The following EPB41L2 variants were observed in gnomAD, a reference collection of about 807,000 sequenced individuals.
The protein encoded by EPB41L2 is erythrocyte membrane protein band 4.1 like 2.
In EPB41L2, 43 loss-of-function variants were observed where a neutral mutation model predicts 113.0. That is an observed-to-expected ratio of 0.38 (90% CI 0.30 to 0.49). The LOEUF (loss-of-function observed/expected upper bound fraction) is 0.49. Among genes scored for constraint, EPB41L2 ranks in the 20% least tolerant of loss-of-function variants. The pLI is 0.95. For missense variants in EPB41L2, 1,147 were observed against 1,223.4 expected (o/e 0.94, Z 0.93); for synonymous variants, 442 against 436.7 (o/e 1.01, Z -0.15).
At position 130,869,881 on chromosome 6, in the gene EPB41L2, G is replaced by C. The variant is rs765397502; in HGVS notation, c.2289C>G (p.Thr763=). 1 of 1,612,762 alleles carries C rather than the reference G, an allele frequency of 6.2e-7. No individual in the cohort carries two copies. Among genetic ancestry groups the C allele is most frequent in the Admixed American group, 1.7e-5 (1 of 59,986 alleles). ...VGEYRPHHRV[T]EGTIREEQEY... is the part of the protein sequence containing the mutation. ...CCTGTTCCTCCCTGATGGTGCCCTC[G>C]GTCACTCGGTGGTGGGGACGGTACT... The change falls in exon 15 of 20, where the codon ACC becomes ACG. Residue 763 remains threonine, a synonymous_variant. Transcript: ENST00000337057.
chr6:131,015,896 T>C (rs1788081256), intron 1 of EPB41L2: 1 of 152,218 alleles, frequency 6.6e-6, no homozygotes, highest in African/African-American at 2.4e-5. Flanking sequence ...GGTGTTGTTT[T>C]TAAGAATGTC....
chr6:131,030,998 G>C (rs918477697), intron 1 of EPB41L2, among the ~76,000 whole-genome samples: 2 of 152,150 alleles, frequency 1.3e-5, no homozygotes, highest in Middle Eastern at 3.4e-3. Flanking sequence ...AGGCTAAGGT[G>C]GGGGGATCGC....
rs372717150 is a variant in EPB41L2, at chr6:130,878,969, G to A, written c.1897-719C>T. 5.9e-5 allele frequency among the ~76,000 whole-genome samples: 9 copies of A among 152,262 alleles called. No individual in the cohort carries two copies. In the South Asian group the frequency reaches 8.3e-4, roughly 14 times the overall value. On this transcript the variant is annotated intron_variant, in intron 13 of 19. Transcript: ENST00000337057. ...GTCTAGCCTCCGCAACTGCCAGATC[G>A]TCCTTATACAGACAAATATACAAGA... is the stretch of plus-strand genomic sequence containing the variant.
rs545266535 is a variant in EPB41L2 at position 130,935,981 on chromosome 6, A to C, written c.706-9272T>G. On this transcript the variant is annotated intron_variant, in intron 3 of 19. Coordinates refer to ENST00000337057, the MANE Select transcript of EPB41L2 (RefSeq NM_001431.4). Reference sequence around the variant, plus strand: ...GAGCAATGGATCTTAAAGCTTGCTAAGAAAACCATATTTGATGACATGTAA... The same window carrying C: ...GAGCAATGGATCTTAAAGCTTGCTACGAAAACCATATTTGATGACATGTAA... Among the ~76,000 whole-genome samples the C allele has an allele frequency of 9.2e-5, 14 of 152,374 alleles. No individual in the cohort carries two copies. The East Asian group carries it at 2.7e-3, about 29-fold the overall frequency.
At chr6:130,846,777 T>C (rs1777169800) in intron 19 of EPB41L2, among the ~76,000 whole-genome samples, 1 of 152,212 alleles carries the variant, frequency 6.6e-6, no homozygotes, top group South Asian at 2.1e-4. Context: ...GCCTACATGC[T>C]AATATAACTT....
chr6:130,867,095 A>T (rs749652331), intron 16 of EPB41L2, among the ~76,000 whole-genome samples: 3 of 152,198 alleles, frequency 2.0e-5, no homozygotes, highest in Non-Finnish European at 4.4e-5. Flanking sequence ...TCGGATTATT[A>T]TTAATCGATG....
chr6:130,933,186 T>G (rs1807510278), intron 3 of EPB41L2, among the ~76,000 whole-genome samples: 1 of 152,236 alleles, frequency 6.6e-6, no homozygotes, highest in Admixed American at 6.5e-5. Context: ...GACATCACTT[T>G]CGCTGTCATT....
At chr6:130,916,339 C>T (rs1042945247) in intron 4 of EPB41L2, among the ~76,000 whole-genome samples, 2 of 152,150 alleles carry the variant, frequency 1.3e-5, no homozygotes, top group African/African-American at 4.8e-5. Flanking sequence ...TGTCTTATGA[C>T]ATTTCCCCTA....
chr6:130,945,699 C>T (rs557574894), intron 3 of EPB41L2, among the ~76,000 whole-genome samples: 1 of 152,280 alleles, frequency 6.6e-6, no homozygotes, highest in East Asian at 1.9e-4. Context: ...TATTTTCATT[C>T]TCTTTGCAAT....
At chr6:131,036,967 A>C (rs1256936165) in intron 1 of EPB41L2, among the ~76,000 whole-genome samples, 2 of 152,184 alleles carry the variant, frequency 1.3e-5, no homozygotes, top group Non-Finnish European at 2.9e-5. Context: ...CTTAGGTTGC[A>C]AAGCAGAAGT....
chr6:130,943,892 A>G (rs1811761372), intron 3 of EPB41L2, among the ~76,000 whole-genome samples: 1 of 152,180 alleles, frequency 6.6e-6, no homozygotes, highest in Non-Finnish European at 1.5e-5. Context: ...CAGAAGTGAA[A>G]GAACAGAGCT....
chr6:130,968,123 T>C (rs948940494), intron 1 of EPB41L2, among the ~76,000 whole-genome samples: 4 of 149,724 alleles, frequency 2.7e-5, no homozygotes, highest in African/African-American at 7.7e-5. Flanking sequence ...ACCAGTCTAA[T>C]ACTATTTCTG....
chr6:130,873,944 G>A (rs914119797), intron 14 of EPB41L2, among the ~76,000 whole-genome samples: 1 of 151,986 alleles, frequency 6.6e-6, no homozygotes, highest in Non-Finnish European at 1.5e-5. Context: ...CCATCTCTAT[G>A]ATTACATCGT....
At chr6:130,857,127 T>C (rs1780488263) in intron 19 of EPB41L2, among the ~76,000 whole-genome samples, 1 of 152,218 alleles carries the variant, frequency 6.6e-6, no homozygotes, top group African/African-American at 2.4e-5. Context: ...TTGTGTCAAA[T>C]TGTCCTCCAT....
At chr6:130,875,886 T>C (rs1412816275) in intron 14 of EPB41L2, among the ~76,000 whole-genome samples, 3 of 147,292 alleles carry the variant, frequency 2.0e-5, no homozygotes, top group Non-Finnish European at 3.0e-5. Flanking sequence ...TAATCCCAGC[T>C]AAACAGGAAA....
chr6:131,053,434 T>TAAAAAA (rs71030727), intron 1 of EPB41L2, among the ~76,000 whole-genome samples: 42 of 88,848 alleles, frequency 4.7e-4, no homozygotes, highest in Middle Eastern at 0.014. Context: ...ATGGAAATGA[T>TAAAAAA]AAAAAAAAAA....
At chr6:130,893,602 C>T (rs1013198920) in intron 10 of EPB41L2, among the ~76,000 whole-genome samples, 4 of 152,170 alleles carry the variant, frequency 2.6e-5, no homozygotes, top group Non-Finnish European at 5.9e-5. Context: ...TGTAATAGCA[C>T]TAATCCATAG....
At chr6:130,893,683 C>T (rs1793686394) in intron 10 of EPB41L2, among the ~76,000 whole-genome samples, 1 of 152,198 alleles carries the variant, frequency 6.6e-6, no homozygotes, top group East Asian at 1.9e-4. Context: ...TAAGGTAGCA[C>T]TTGGACAGCA....
At chr6:130,856,451 A>G (rs1166145011) in intron 19 of EPB41L2, among the ~76,000 whole-genome samples, 1 of 152,246 alleles carries the variant, frequency 6.6e-6, no homozygotes, top group Non-Finnish European at 1.5e-5. Context: ...GTATTTTCAT[A>G]GAAGAGAAAA....
Sources: gnomAD v4.1 joint callset for allele counts (sites outside exome capture counted in the v4.1 genomes callset) on GRCh38, gnomAD v4.1.1 for gene constraint, MANE v1.5 for transcripts, NCBI Gene and HGNC (gene_info 2026-07-23, HGNC 2026-07-21) for gene names.